ASB3: variants seen among roughly 807,000 people sequenced by gnomAD.
The protein encoded by ASB3 is ankyrin repeat and SOCS box containing 3.
In ASB3, 41 loss-of-function variants were observed where a neutral mutation model predicts 54.5. The observed-to-expected ratio is 0.75, with a 90% CI of 0.59 to 0.98. The LOEUF (loss-of-function observed/expected upper bound fraction) is 0.98. ASB3 is among the 50% of genes least tolerant of loss of function. ASB3 has a pLI of 0.00. For synonymous variants in ASB3, 266 were observed against 221.2 expected (o/e 1.20, Z -1.80); for missense variants, 733 against 620.0 (o/e 1.18, Z -1.94).
chr2:53,700,632 C>A, intron 7 of ASB3, 104 bp from the exon 8 acceptor site: 1 of 1,427,502 alleles, frequency 7.0e-7, no homozygotes, highest in Non-Finnish European at 9.3e-7. Flanking sequence ...ATAAGTATGG[C>A]AGATTAAATA....
chr2:53,779,809 G>A (rs997388761), intron 1 of ASB3, among the ~76,000 whole-genome samples: 13 of 152,164 alleles, frequency 8.5e-5, no homozygotes, highest in African/African-American at 3.1e-4. Context: ...GTTAAAACAA[G>A]AGCTCCCTGA....
chr2:53,720,840 C>T (rs1028027957), intron 5 of ASB3, among the ~76,000 whole-genome samples: 5 of 152,002 alleles, frequency 3.3e-5, no homozygotes, highest in African/African-American at 1.2e-4. Flanking sequence ...GGCCAAAAAG[C>T]ACATCTCAAT....
chr2:53,738,140 G>T (rs1572940795), intron 3 of ASB3, among the ~76,000 whole-genome samples: 1 of 152,112 alleles, frequency 6.6e-6, no homozygotes, highest in South Asian at 2.1e-4. Context: ...TAGTGTAGAG[G>T]CCTGATAATC....
At chr2:53,740,644 G>A (rs1671883406) in intron 3 of ASB3, among the ~76,000 whole-genome samples, 1 of 152,118 alleles carries the variant, frequency 6.6e-6, no homozygotes, top group African/African-American at 2.4e-5. Flanking sequence ...GATGCATACT[G>A]ATGGGAAAAA....
At chr2:53,757,951 C>A (rs1003640881) in intron 2 of ASB3, among the ~76,000 whole-genome samples, 1 of 152,008 alleles carries the variant, frequency 6.6e-6, no homozygotes, top group African/African-American at 2.4e-5. Flanking sequence ...GGAACTGGGT[C>A]TATGACAACA....
chr2:53,670,829 T>G (rs1667772813), intron 9 of ASB3, 139 bp from the exon 10 acceptor site: 1 of 1,003,294 alleles, frequency 1.0e-6, no homozygotes, highest in African/African-American at 1.6e-5. Context: ...TGAGTCAGTA[T>G]GACCACAATA....
chr2:53,730,591 G>A (rs544687850), intron 3 of ASB3, among the ~76,000 whole-genome samples: 1 of 152,234 alleles, frequency 6.6e-6, no homozygotes, highest in African/African-American at 2.4e-5. Flanking sequence ...TCAAATGGCA[G>A]TTGTGTTTAG....
chr2:53,770,498 TA>T (rs76201682), intron 1 of ASB3, among the ~76,000 whole-genome samples: 27,149 of 110,196 alleles, frequency 0.25, 2,543 homozygotes, highest in African/African-American at 0.28. Flanking sequence ...GAAGTTTATT[TA>T]AAAAAAAAAA....
At chr2:53,777,387 A>C (rs1238285946) in intron 1 of ASB3, among the ~76,000 whole-genome samples, 1 of 152,224 alleles carries the variant, frequency 6.6e-6, no homozygotes, top group African/African-American at 2.4e-5. Flanking sequence ...CAAGCATCCC[A>C]TGTCACTAAA....
At chr2:53,757,816 T>C (rs1405165138) in intron 2 of ASB3, among the ~76,000 whole-genome samples, 1 of 152,140 alleles carries the variant, frequency 6.6e-6, no homozygotes, top group East Asian at 1.9e-4. Flanking sequence ...GGAGGATTGC[T>C]CTCTCATCAT....
chr2:53,694,450 A>G (rs1669080400), intron 8 of ASB3: 2 of 153,688 alleles, frequency 1.3e-5, no homozygotes, highest in African/African-American at 4.8e-5. Flanking sequence ...CAAGTGTACA[A>G]GTATGGCTTG....
intron 3 of ASB3, among the ~76,000 whole-genome samples, chr2:53,740,453 C>T (rs1392998105): frequency 2.0e-5 from 3 of 152,076 alleles, no homozygotes; most frequent in African/African-American, 7.2e-5. Flanking sequence ...TTCTATGTAT[C>T]CTCAAGTTTA....
At chr2:53,749,663 G>C (rs1672413584) in intron 3 of ASB3, among the ~76,000 whole-genome samples, 2 of 151,992 alleles carry the variant, frequency 1.3e-5, no homozygotes, top group African/African-American at 4.8e-5. Flanking sequence ...CAACAATATG[G>C]ATGAATCTCA....
chr2:53,717,278 T>C (rs1670451466), intron 5 of ASB3, among the ~76,000 whole-genome samples: 1 of 151,944 alleles, frequency 6.6e-6, no homozygotes, highest in South Asian at 2.1e-4. Context: ...AAAGATAAAA[T>C]CCAAATTATG....
In ASB3 at chr2:53,771,443, T is replaced by A. The variant is rs186316140; in HGVS notation, c.-13-5858A>T. 6.1e-3 allele frequency among the ~76,000 whole-genome samples: 926 copies of A among 152,084 alleles called. 4 individuals carry two copies. The highest frequency in any genetic ancestry group is 0.027 in the Middle Eastern group (8 of 294). ...TGAGAGAATTGCTTGAGCCCGAGAG[T>A]TGGAGGTTGCAGTGAGCCAAGATCG... On this transcript the variant is annotated intron_variant, in intron 1 of 9. Transcript: ENST00000263634.
At chr2:53,715,931 A>G (rs920823571) in intron 6 of ASB3, among the ~76,000 whole-genome samples, 3 of 152,200 alleles carry the variant, frequency 2.0e-5, no homozygotes, top group Non-Finnish European at 2.9e-5. Context: ...GATTCTAAAC[A>G]TGTATTTCTA....
chr2:53,678,086 T>G (rs1048380027), intron 9 of ASB3, among the ~76,000 whole-genome samples: 2 of 152,168 alleles, frequency 1.3e-5, no homozygotes, highest in African/African-American at 4.8e-5. Context: ...ATGAAGTGAT[T>G]ACTACAGTCA....
chr2:53,733,025 A>G (rs945459356), intron 3 of ASB3, among the ~76,000 whole-genome samples: 5 of 152,238 alleles, frequency 3.3e-5, no homozygotes, highest in African/African-American at 1.2e-4. Context: ...ACCAAGTATA[A>G]GAGCATGTTT....
intron 6 of ASB3, 71 bp downstream of exon 6, chr2:53,716,495 T>A: frequency 6.4e-7 from 1 of 1,555,616 alleles, no homozygotes; most frequent in Non-Finnish European, 8.7e-7. Context: ...AGGTGAAGGG[T>A]CTAGCCCAGA....
Sources: gnomAD v4.1 joint callset for allele counts (sites outside exome capture counted in the v4.1 genomes callset) on GRCh38, gnomAD v4.1.1 for gene constraint, MANE v1.5 for transcripts, NCBI Gene and HGNC (gene_info 2026-07-23, HGNC 2026-07-21) for gene names.